Variants in KIAA1549L observed in about 807,000 individuals in gnomAD.
KIAA1549L encodes the protein UPF0606 protein KIAA1549L.
Under a neutral mutation model 160.7 loss-of-function variants are expected in KIAA1549L, and 88 were observed. That is an observed-to-expected ratio of 0.55 (90% CI 0.46 to 0.65). The LOEUF is 0.65. Ranked by LOEUF, KIAA1549L falls within the 30% of genes least tolerant of loss-of-function variation. KIAA1549L has a pLI of 0.00. For missense variants in KIAA1549L, 2,258 were observed against 2,437.5 expected (o/e 0.93, Z 1.55); for synonymous variants, 950 against 976.7 (o/e 0.97, Z 0.51).
At position 33,544,288 on chromosome 11, in the gene KIAA1549L, A is replaced by G. The variant is rs1590327489; in HGVS notation, c.2725A>G (p.Thr909Ala). Reference protein sequence around the residue: ...SSISTSVFPRTSSRVLRASQH... With the variant: ...SSISTSVFPRASSRVLRASQH... ...TATATCGACCAGTGTCTTTCCCAGG[A>G]CCTCCTCCAGAGTGCTGCGGGCTTC... Residue 909 changes from threonine (T) to alanine (A), a missense_variant, in exon 2 of 21, where the codon ACC becomes GCC. Transcript: ENST00000658780. The G allele has an allele frequency of 6.2e-7, 1 of 1,613,654 alleles. No homozygotes were observed. Among genetic ancestry groups the G allele is most frequent in the Non-Finnish European group, 8.5e-7 (1 of 1,179,868 alleles).
At chr11:33,643,284 T>C (rs1015541647) in intron 16 of KIAA1549L, among the ~76,000 whole-genome samples, 1 of 152,082 alleles carries the variant, frequency 6.6e-6, no homozygotes, top group African/African-American at 2.4e-5. Context: ...AACATATATA[T>C]GTGTGGTGGC....
At chr11:33,456,742 C>G (rs1442837024) in intron 1 of KIAA1549L, among the ~76,000 whole-genome samples, 4 of 152,080 alleles carry the variant, frequency 2.6e-5, no homozygotes, top group Non-Finnish European at 5.9e-5. Flanking sequence ...TTTTTCAGTC[C>G]TTTAGCTTTT....
rs1192650866 is a variant in KIAA1549L at position 33,574,774 on chromosome 11, A to G, written c.4303A>G (p.Lys1435Glu). Residue 1435 changes from lysine to glutamate, a missense_variant, in exon 10 of 21, where the codon AAG becomes GAG. Around this residue, in one of 6 missense-constraint regions of KIAA1549L, gnomAD observed 1,359 missense variants for 1,546.6 expected, o/e 0.88. Coordinates refer to ENST00000658780, the MANE Select transcript of KIAA1549L (RefSeq NM_012194.3). ...GACTTACTATACCCTGTACAACGGG[A>G]AGCCTTTGTTGGGGACCGCAGCTGC... ...ELTYYTLYNG[K>E]PLLGTAAAKI... is the part of the protein sequence containing the mutation. The G allele has an allele frequency of 6.2e-7, 1 of 1,613,966 alleles. No homozygotes were observed. The highest frequency in any genetic ancestry group is 1.1e-5 in the South Asian group (1 of 91,086).
chr11:33,574,250 T>C (rs193088148), intron 9 of KIAA1549L, among the ~76,000 whole-genome samples: 1 of 151,908 alleles, frequency 6.6e-6, no homozygotes, highest in Admixed American at 6.6e-5. Context: ...AAAAAGAACA[T>C]TGGGTTTCCA....
At chr11:33,396,242 C>G (rs1170603846) in intron 1 of KIAA1549L, among the ~76,000 whole-genome samples, 2 of 152,166 alleles carry the variant, frequency 1.3e-5, no homozygotes, top group African/African-American at 4.8e-5. Flanking sequence ...CCACCTTTCC[C>G]TTAATTGAAG....
intron 8 of KIAA1549L, among the ~76,000 whole-genome samples, chr11:33,562,855 A>G (rs1854913622): frequency 6.6e-6 from 1 of 151,216 alleles, no homozygotes; most frequent in Non-Finnish European, 1.5e-5. Context: ...ATTTTTTTGT[A>G]TTTTTAGTAG....
intron 3 of KIAA1549L, among the ~76,000 whole-genome samples, chr11:33,546,371 G>A (rs369573655): frequency 6.6e-6 from 1 of 152,134 alleles, no homozygotes; most frequent in African/African-American, 2.4e-5. Context: ...GTGGCAGGCA[G>A]CCCTGGCCCC....
At chr11:33,459,469 C>A (rs922094925) in intron 1 of KIAA1549L, among the ~76,000 whole-genome samples, 9 of 152,222 alleles carry the variant, frequency 5.9e-5, no homozygotes, top group African/African-American at 2.2e-4. Flanking sequence ...CACTTAAGTC[C>A]TGCCTTATGA....
intron 4 of KIAA1549L, among the ~76,000 whole-genome samples, chr11:33,550,361 A>T (rs1282445015): frequency 6.6e-6 from 1 of 152,038 alleles, no homozygotes; most frequent in African/African-American, 2.4e-5. Flanking sequence ...AAAAACCCTG[A>T]ACTGTAAATA....
Position 33,648,056 on chromosome 11 carries a change from G to A in KIAA1549L, c.5760+2020G>A, listed in dbSNP as rs181753289. Among the ~76,000 whole-genome samples, 15 of 152,184 alleles carry A rather than the reference G, an allele frequency of 9.9e-5. No individual in the cohort carries two copies. In the East Asian group the frequency reaches 2.3e-3, roughly 24 times the overall value. ...CAGGCTGGAGTGCAAGTGCAGTGGC[G>A]CAATCTTGGCTCACTGCAACCTCTG... On this transcript the variant is annotated intron_variant, in intron 17 of 20. Transcript: ENST00000658780.
intron 1 of KIAA1549L, among the ~76,000 whole-genome samples, chr11:33,416,492 A>G (rs1010046122): frequency 2.0e-5 from 3 of 152,174 alleles, no homozygotes; most frequent in African/African-American, 4.8e-5. Context: ...CAATAAAAAT[A>G]ATGCAAATTA....
chr11:33,609,979 A>T lies in KIAA1549L; in HGVS notation c.5279+13A>T. On this transcript the variant is annotated intron_variant, in intron 15 of 20. Transcript: ENST00000658780. ...AGTCTAAAAACAGGTGCAGTCTCTA[A>T]GGGATTCTGTAAAGGGTGCTGTATC... The T allele has an allele frequency of 6.2e-7, 1 of 1,606,510 alleles. No homozygotes were observed. The highest frequency in any genetic ancestry group is 8.5e-7 in the Non-Finnish European group (1 of 1,173,558).
At chr11:33,456,312 C>A (rs1851819390) in intron 1 of KIAA1549L, among the ~76,000 whole-genome samples, 1 of 152,104 alleles carries the variant, frequency 6.6e-6, no homozygotes, top group African/African-American at 2.4e-5. Context: ...CTTTAGCTGC[C>A]AAGGTAATTT....
intron 1 of KIAA1549L, among the ~76,000 whole-genome samples, chr11:33,529,745 A>G (rs974936272): frequency 6.6e-6 from 1 of 152,236 alleles, no homozygotes; most frequent in Non-Finnish European, 1.5e-5. Flanking sequence ...CGTCCCATAA[A>G]TATTTGTGGA....
At position 33,551,062 on chromosome 11, in the gene KIAA1549L, A is replaced by G; in HGVS notation, c.3524A>G (p.His1175Arg). ...SAHVDILEYS[H>R]NVTVGYYATK... is the part of the protein sequence containing the mutation. ...TAGGTGGACATTCTGGAATATTCTC[A>G]TAATGTCACAGTTGGTTATTATGCT... is the stretch of plus-strand genomic sequence containing the variant. The change falls in exon 5 of 21, where the codon CAT becomes CGT. Residue 1175 changes from histidine (H) to arginine (R), a missense_variant. Transcript: ENST00000658780. 1.9e-6 allele frequency: 3 copies of G among 1,613,794 alleles called. No homozygotes were observed. Among genetic ancestry groups the G allele is most frequent in the Non-Finnish European group, 2.5e-6 (3 of 1,179,682 alleles).
intron 10 of KIAA1549L, among the ~76,000 whole-genome samples, chr11:33,582,831 A>G (rs72915013): frequency 0.016 from 2,361 of 152,256 alleles, 25 homozygotes; most frequent in Non-Finnish European, 0.023. Context: ...CCAGCCAGCT[A>G]TTCTGGGGGA....
At chr11:33,534,876 A>G (rs538142533) in intron 1 of KIAA1549L, among the ~76,000 whole-genome samples, 1 of 152,210 alleles carries the variant, frequency 6.6e-6, no homozygotes, top group South Asian at 2.1e-4. Flanking sequence ...TCACCATACA[A>G]CATTCCAAAG....
intron 1 of KIAA1549L, among the ~76,000 whole-genome samples, chr11:33,523,328 A>T (rs145457583): frequency 1.1e-3 from 169 of 152,370 alleles, no homozygotes; most frequent in South Asian, 1.9e-3. Context: ...AGGACTTTTC[A>T]AAGCCCTTAG....
chr11:33,605,950 A>G (rs1850487821), intron 13 of KIAA1549L, among the ~76,000 whole-genome samples: 1 of 152,240 alleles, frequency 6.6e-6, no homozygotes, highest in South Asian at 2.1e-4. Context: ...TTGCAGCAGA[A>G]TTATCTGTCA....
Sources: allele counts gnomAD v4.1 joint callset (sites outside exome capture counted in the v4.1 genomes callset), GRCh38; gene constraint gnomAD v4.1.1; regional missense constraint gnomAD v4.1.1; transcripts MANE v1.5; gene names NCBI Gene and HGNC (gene_info 2026-07-23, HGNC 2026-07-21).